NTN1: variants seen among roughly 807,000 people sequenced by gnomAD.
NTN1 encodes the protein netrin-1.
In NTN1, 11 loss-of-function variants were observed where a neutral mutation model predicts 54.2. That is an observed-to-expected ratio of 0.20 (90% CI 0.13 to 0.34). The LOEUF (loss-of-function observed/expected upper bound fraction) is 0.34, where lower values mean the gene tolerates loss of function less well. NTN1 is among the 10% of genes least tolerant of loss of function. The pLI is 1.00. For synonymous variants in NTN1, 371 were observed against 382.0 expected, an observed-to-expected ratio of 0.97 and a Z score of 0.33; for missense variants, 740 against 893.1, an observed-to-expected ratio of 0.83 and a Z score of 2.18.
chr17:9,031,346 G>A (rs995969787), intron 2 of NTN1, among the ~76,000 whole-genome samples: 5 of 152,208 alleles, frequency 3.3e-5, no homozygotes, highest in South Asian at 2.1e-4. Context: ...GCTTTGGGGC[G>A]GCCGTGGTGA....
chr17:9,234,587 T>G (rs1431495796), intron 6 of NTN1, among the ~76,000 whole-genome samples: 1 of 152,226 alleles, frequency 6.6e-6, no homozygotes, highest in Non-Finnish European at 1.5e-5. Context: ...AGGGTTCCAG[T>G]TCCCACATCC....
At chr17:9,233,865 A>G (rs1432552001) in intron 6 of NTN1, among the ~76,000 whole-genome samples, 1 of 152,060 alleles carries the variant, frequency 6.6e-6, no homozygotes, top group African/African-American at 2.4e-5. Flanking sequence ...GACTGTGCCC[A>G]CCTCCCAGGG....
chr17:9,138,680 CA>C (rs2142277887), intron 2 of NTN1, among the ~76,000 whole-genome samples: 1 of 152,232 alleles, frequency 6.6e-6, no homozygotes, highest in East Asian at 1.9e-4. Context: ...GTGGGGCAGA[CA>C]GGGGAGTCAA....
At chr17:9,125,331 A>G (rs527534992) in intron 2 of NTN1, among the ~76,000 whole-genome samples, 4 of 151,706 alleles carry the variant, frequency 2.6e-5, no homozygotes, top group Non-Finnish European at 4.4e-5. Flanking sequence ...GGTTCAAGCA[A>G]CTCTCCTGCC....
At chr17:9,025,823 A>G (rs991899612) in intron 2 of NTN1, among the ~76,000 whole-genome samples, 33 of 152,366 alleles carry the variant, frequency 2.2e-4, no homozygotes, top group African/African-American at 7.0e-4. Context: ...TTAGTATTTG[A>G]CAGGTGTTCT....
intron 6 of NTN1, among the ~76,000 whole-genome samples, chr17:9,229,466 C>A (rs1024257376): frequency 2.6e-5 from 4 of 152,080 alleles, no homozygotes; most frequent in African/African-American, 9.7e-5. Flanking sequence ...ATACTCTGCG[C>A]GGGATTAGGT....
chr17:9,153,863 A>G (rs959486360), intron 2 of NTN1, among the ~76,000 whole-genome samples: 2 of 152,176 alleles, frequency 1.3e-5, no homozygotes, highest in Non-Finnish European at 2.9e-5. Context: ...CCTGGCTCTC[A>G]TGCCCTGCGT....
intron 6 of NTN1, among the ~76,000 whole-genome samples, chr17:9,230,845 C>G (rs1905786209): frequency 6.6e-6 from 1 of 152,156 alleles, no homozygotes; most frequent in African/African-American, 2.4e-5. Flanking sequence ...TGCTGTTTTC[C>G]TCTCCTCTGA....
intron 5 of NTN1, among the ~76,000 whole-genome samples, chr17:9,186,800 C>T (rs2092434742): frequency 6.6e-6 from 1 of 152,170 alleles, no homozygotes; most frequent in African/African-American, 2.4e-5. Flanking sequence ...TTTATGTAGA[C>T]CTGCAGCCTG....
intron 5 of NTN1, among the ~76,000 whole-genome samples, chr17:9,196,226 CTG>C (rs1337333832): frequency 6.6e-6 from 1 of 152,212 alleles, no homozygotes; most frequent in African/African-American, 2.4e-5. Flanking sequence ...TCTTTCAGGG[CTG>C]TGTTGAAGAA....
chr17:9,065,178 C>A (rs1477434350), intron 2 of NTN1, among the ~76,000 whole-genome samples: 2 of 152,202 alleles, frequency 1.3e-5, no homozygotes, highest in Non-Finnish European at 2.9e-5. Flanking sequence ...CTCAGGTGAT[C>A]TGCCTGCCTC....
intron 6 of NTN1, among the ~76,000 whole-genome samples, chr17:9,237,563 C>T (rs1353528831): frequency 1.3e-5 from 2 of 152,284 alleles, no homozygotes; most frequent in Non-Finnish European, 2.9e-5. Flanking sequence ...CCTGGAGCCC[C>T]AGCCCAGGGT....
At chr17:9,161,199 G>A (rs1391745595) in intron 2 of NTN1, among the ~76,000 whole-genome samples, 1 of 152,096 alleles carries the variant, frequency 6.6e-6, no homozygotes, top group Non-Finnish European at 1.5e-5. Context: ...GTGGGGTGGA[G>A]CGGGGCTGGG....
At chr17:9,224,087 G>C (rs1597546962) in intron 6 of NTN1, among the ~76,000 whole-genome samples, 1 of 152,310 alleles carries the variant, frequency 6.6e-6, no homozygotes, top group African/African-American at 2.4e-5. Context: ...AATGGGGCTT[G>C]TAAAAGGGCC....
intron 6 of NTN1, among the ~76,000 whole-genome samples, chr17:9,238,076 C>G (rs1047598918): frequency 6.6e-6 from 1 of 152,196 alleles, no homozygotes; most frequent in Non-Finnish European, 1.5e-5. Flanking sequence ...CCTCCCCATC[C>G]CCTGGTCCAT....
chr17:9,097,699 T>C (rs945630285), intron 2 of NTN1, among the ~76,000 whole-genome samples: 1 of 152,026 alleles, frequency 6.6e-6, no homozygotes, highest in Non-Finnish European at 1.5e-5. Flanking sequence ...TTCATATCTG[T>C]CCTGTACCAG....
At chr17:9,152,947 G>A (rs1214749188) in intron 2 of NTN1, among the ~76,000 whole-genome samples, 3 of 152,120 alleles carry the variant, frequency 2.0e-5, no homozygotes, top group Non-Finnish European at 4.4e-5. Context: ...TGTAGCCATT[G>A]TGTTTGATCT....
chr17:9,237,691 G>C (rs1299221693), intron 6 of NTN1, among the ~76,000 whole-genome samples: 2 of 152,184 alleles, frequency 1.3e-5, no homozygotes, highest in African/African-American at 4.8e-5. Context: ...GAGCTCATTC[G>C]TATTCAGCTC....
At chr17:9,048,431 A>G (rs2091948073) in intron 2 of NTN1, among the ~76,000 whole-genome samples, 1 of 152,100 alleles carries the variant, frequency 6.6e-6, no homozygotes, top group African/African-American at 2.4e-5. Context: ...TTTATAGGGC[A>G]CAGGCAGAGT....
Sources: allele counts gnomAD v4.1 joint callset (sites outside exome capture counted in the v4.1 genomes callset), GRCh38; gene constraint gnomAD v4.1.1; transcripts MANE v1.5; gene names NCBI Gene and HGNC (gene_info 2026-07-23, HGNC 2026-07-21).